Variants in ARFIP1 observed in about 807,000 individuals in gnomAD.
The protein encoded by ARFIP1 is arfaptin-1.
Under a neutral mutation model 42.5 loss-of-function variants are expected in ARFIP1, and 24 were observed. The observed-to-expected ratio is 0.57, with a 90% CI of 0.41 to 0.80. The LOEUF is 0.80. Among genes scored for constraint, ARFIP1 ranks in the 30% least tolerant of loss-of-function variants. ARFIP1 has a pLI of 0.00. For synonymous variants in ARFIP1, 141 were observed against 153.7 expected (o/e 0.92, Z 0.61); for missense variants, 354 against 434.0 (o/e 0.82, Z 1.64).
At chr4:152,889,535 A>T (rs1312977276) in intron 8 of ARFIP1, among the ~76,000 whole-genome samples, 1 of 30,482 alleles carries the variant, frequency 3.3e-5, no homozygotes, top group Non-Finnish European at 8.8e-5. Flanking sequence ...ATATATATAT[A>T]CACCTATTTT....
At chr4:152,824,714 GAAAC>G (rs1282348391) in intron 1 of ARFIP1, among the ~76,000 whole-genome samples, 6 of 152,124 alleles carry the variant, frequency 3.9e-5, no homozygotes, top group Non-Finnish European at 8.8e-5. Flanking sequence ...GCAAAAGAAA[GAAAC>G]AAAGGGCATC....
At chr4:152,868,132 C>G (rs565028708) in intron 3 of ARFIP1, among the ~76,000 whole-genome samples, 2 of 152,078 alleles carry the variant, frequency 1.3e-5, no homozygotes, top group Admixed American at 6.5e-5. Context: ...CTATCTAGAG[C>G]AAATTAAAAA....
chr4:152,895,770 C>G (rs1737270999), intron 8 of ARFIP1, among the ~76,000 whole-genome samples: 1 of 151,874 alleles, frequency 6.6e-6, no homozygotes, highest in Non-Finnish European at 1.5e-5. Context: ...CTATGTTGCC[C>G]AGGCTGTTTT....
At chr4:152,856,918 T>C (rs1047694194) in intron 2 of ARFIP1, among the ~76,000 whole-genome samples, 1 of 152,192 alleles carries the variant, frequency 6.6e-6, no homozygotes, top group African/African-American at 2.4e-5. Flanking sequence ...ATTTTGTCTT[T>C]CAGAGAGGGA....
intron 8 of ARFIP1, among the ~76,000 whole-genome samples, chr4:152,897,805 A>G (rs981561373): frequency 3.9e-5 from 6 of 152,104 alleles, no homozygotes; most frequent in Non-Finnish European, 7.4e-5. Flanking sequence ...TAATAACTGC[A>G]TTGGTTGTGC....
intron 8 of ARFIP1, among the ~76,000 whole-genome samples, chr4:152,895,632 C>T (rs1160879492): frequency 7.0e-6 from 1 of 142,962 alleles, no homozygotes; most frequent in Non-Finnish European, 1.5e-5. Flanking sequence ...GTGATCATGG[C>T]TCACTGCAGC....
At chr4:152,788,831 G>A (rs1331633933) in intron 1 of ARFIP1, among the ~76,000 whole-genome samples, 2 of 132,252 alleles carry the variant, frequency 1.5e-5, no homozygotes, top group African/African-American at 2.9e-5. Flanking sequence ...TCTGTTCAAG[G>A]ATCCCATCTA....
chr4:152,874,139 TTA>T (rs1735126172), intron 5 of ARFIP1, among the ~76,000 whole-genome samples: 1 of 152,334 alleles, frequency 6.6e-6, no homozygotes, highest in African/African-American at 2.4e-5. Flanking sequence ...TCCTATGTGT[TTA>T]TGTGTTATTA....
intron 1 of ARFIP1, chr4:152,796,552 A>C (rs1416586525): frequency 2.6e-6 from 2 of 783,004 alleles, no homozygotes; most frequent in East Asian, 2.4e-5. Context: ...TTAGCTCGAG[A>C]TTGTCTCTCT....
rs144973426 is a variant in ARFIP1 at position 152,902,830 on chromosome 4, C to T, written c.967-7234C>T. Among the ~76,000 whole-genome samples, 8 of 152,236 alleles carry T rather than the reference C, an allele frequency of 5.3e-5. No individual in the cohort carries two copies. The East Asian group carries it at 1.2e-3, about 22-fold the overall frequency. ...TTGTCTCTCTCTGAAAGCCAGCGAGCGGTATTTGAGAAACCAGAATCTTTC... is the reference window on the plus strand; with the variant it reads ...TTGTCTCTCTCTGAAAGCCAGCGAGTGGTATTTGAGAAACCAGAATCTTTC... On this transcript the variant is annotated intron_variant, in intron 8 of 8. Coordinates refer to ENST00000353617, the MANE Select transcript of ARFIP1 (RefSeq NM_001025595.3).
intron 1 of ARFIP1, chr4:152,796,498 C>T: frequency 2.7e-6 from 2 of 734,718 alleles, no homozygotes; most frequent in Non-Finnish European, 5.0e-6. Context: ...TCCCATTTTC[C>T]CTCATTCTCT....
At chr4:152,808,020 G>T (rs1426489107) in intron 1 of ARFIP1, among the ~76,000 whole-genome samples, 2 of 151,682 alleles carry the variant, frequency 1.3e-5, no homozygotes, top group African/African-American at 4.8e-5. Flanking sequence ...CGCTGTTGTT[G>T]CCCAGGCCGG....
intron 1 of ARFIP1, among the ~76,000 whole-genome samples, chr4:152,799,757 A>G (rs1731688573): frequency 6.6e-6 from 1 of 152,210 alleles, no homozygotes; most frequent in Non-Finnish European, 1.5e-5. Flanking sequence ...GATCAGAGGA[A>G]GATTGTGCAT....
At chr4:152,902,373 G>A (rs757760538) in intron 8 of ARFIP1, among the ~76,000 whole-genome samples, 15 of 152,118 alleles carry the variant, frequency 9.9e-5, no homozygotes, top group Non-Finnish European at 1.6e-4. Flanking sequence ...ATGGTGATGC[G>A]CACCATTATT....
At chr4:152,877,669 C>T (rs1240142998) in intron 5 of ARFIP1, among the ~76,000 whole-genome samples, 6 of 151,962 alleles carry the variant, frequency 3.9e-5, no homozygotes, top group Admixed American at 3.9e-4. Context: ...TGGTTGTGTC[C>T]TCACCCAAAT....
At chr4:152,856,668 G>A (rs1255545307) in intron 2 of ARFIP1, among the ~76,000 whole-genome samples, 1 of 152,148 alleles carries the variant, frequency 6.6e-6, no homozygotes, top group Non-Finnish European at 1.5e-5. Flanking sequence ...GGACAATCCT[G>A]TGCCATTTGT....
intron 8 of ARFIP1, among the ~76,000 whole-genome samples, chr4:152,891,938 G>A (rs191089177): frequency 8.1e-4 from 123 of 151,916 alleles, no homozygotes; most frequent in African/African-American, 2.9e-3. Context: ...GAACTCCTGA[G>A]CTCAGGTGAT....
At chr4:152,792,059 T>TA (rs1244336220) in intron 1 of ARFIP1, among the ~76,000 whole-genome samples, 6 of 152,122 alleles carry the variant, frequency 3.9e-5, no homozygotes, top group Non-Finnish European at 5.9e-5. Flanking sequence ...TAGAGCCACT[T>TA]AAAAAAATCT....
intron 1 of ARFIP1, among the ~76,000 whole-genome samples, chr4:152,789,488 T>A (rs62318853): frequency 0.027 from 4,084 of 152,328 alleles, 100 homozygotes; most frequent in South Asian, 0.11. Flanking sequence ...AAAGTTACTC[T>A]GTTTTCCCCC....
Sources: gnomAD v4.1 joint callset for allele counts (sites outside exome capture counted in the v4.1 genomes callset) on GRCh38, gnomAD v4.1.1 for gene constraint, MANE v1.5 for transcripts, NCBI Gene and HGNC (gene_info 2026-07-23, HGNC 2026-07-21) for gene names.